Variants in ACLY observed in about 807,000 individuals in gnomAD.
ACLY encodes the protein ATP-citrate synthase.
In ACLY, 41 loss-of-function variants were observed where a neutral mutation model predicts 133.0. The ratio of observed to expected loss-of-function variants is 0.31; its 90% CI spans 0.24 to 0.40. ACLY has a LOEUF of 0.40. ACLY is among the 10% of genes least tolerant of loss of function. The pLI, the probability that ACLY is intolerant of heterozygous loss-of-function variation, is 1.00. For synonymous variants in ACLY, 495 were observed against 549.3 expected, an observed-to-expected ratio of 0.90 and a Z score of 1.38; for missense variants, 1,046 against 1,453.8, an observed-to-expected ratio of 0.72 and a Z score of 4.56.
chr17:41,924,288 G>A (rs1392131889), intron 1 of ACLY, among the ~76,000 whole-genome samples: 1 of 151,610 alleles, frequency 6.6e-6, no homozygotes, highest in East Asian at 1.9e-4. Context: ...GAGACTACAG[G>A]CACGTGCCAC....
In ACLY at chr17:41,887,713, G is replaced by T; in HGVS notation, c.1771-10C>A. 6.2e-7 allele frequency: 1 copy of T among 1,612,032 alleles called. No homozygotes were observed. Among genetic ancestry groups the T allele is most frequent in the Non-Finnish European group, 8.5e-7 (1 of 1,178,368 alleles). On this transcript the variant is annotated splice_polypyrimidine_tract_variant and intron_variant, in intron 16 of 28. Coordinates refer to ENST00000352035, the MANE Select transcript of ACLY (RefSeq NM_001096.3). ...TGGCGATGGTCCGGATCTAGAGGATGACAAAAGTCCCTTCCTGTTAACTCT... is the reference window on the plus strand; with the variant it reads ...TGGCGATGGTCCGGATCTAGAGGATTACAAAAGTCCCTTCCTGTTAACTCT...
chr17:41,918,982 T>C (rs1237662498), upstream of ACLY: 6 of 1,287,482 alleles, frequency 4.7e-6, no homozygotes, highest in African/African-American at 1.5e-5. Context: ...CCGGCTTTTG[T>C]CCCGGCCCAG....
At chr17:41,888,126 T>C (rs1206029635) in intron 16 of ACLY, among the ~76,000 whole-genome samples, 7 of 151,804 alleles carry the variant, frequency 4.6e-5, no homozygotes, top group African/African-American at 1.7e-4. Context: ...AGACTCCATC[T>C]CAAAAACAAA....
intron 3 of ACLY, among the ~76,000 whole-genome samples, chr17:41,912,046 G>A (rs1035849062): frequency 2.4e-4 from 36 of 151,662 alleles, no homozygotes; most frequent in Non-Finnish European, 2.9e-5. Flanking sequence ...CCCAGGAGGC[G>A]GAGGTTGCAG....
At chr17:41,925,653 G>A in intron 1 of ACLY, among the ~76,000 whole-genome samples, 1 of 152,004 alleles carries the variant, frequency 6.6e-6, no homozygotes, top group Non-Finnish European at 1.5e-5. Context: ...GTTGTGTTGA[G>A]AAGGAAGTGG....
intron 11 of ACLY, 109 bp from the exon 12 acceptor site, chr17:41,898,894 T>A: frequency 2.7e-6 from 3 of 1,112,454 alleles, no homozygotes; most frequent in Non-Finnish European, 3.8e-6. Flanking sequence ...TTTGGCGCAT[T>A]CAGTGCAAGA....
rs550130995 is a variant in ACLY at position 41,878,696 on chromosome 17, G to A, written c.2393+101C>T. ...CATACAGCTGCGCTAGACACCGAGAGGGACCAGGAATACATGATGTCCCTG... is the reference window on the plus strand; with the variant it reads ...CATACAGCTGCGCTAGACACCGAGAAGGACCAGGAATACATGATGTCCCTG... On this transcript the variant is annotated intron_variant, in intron 21 of 28. Transcript: ENST00000352035. 1.5e-5 allele frequency: 22 copies of A among 1,443,362 alleles called. No individual in the cohort carries two copies. The East Asian group carries it at 4.6e-4, about 30-fold the overall frequency. The allele number at this position is 1,443,362 out of a possible 1,614,324, so 89.4% of individuals were successfully genotyped here.
At chr17:41,867,993 CA>C in intron 28 of ACLY, 89 bp from the exon 29 acceptor site, 22 of 908,608 alleles carry the variant, frequency 2.4e-5, no homozygotes, top group South Asian at 3.3e-5. Context: ...TTCTAACACA[CA>C]AAAAAAGTAG....
chr17:41,890,317 G>C (rs1459882209), intron 16 of ACLY, among the ~76,000 whole-genome samples: 2 of 151,320 alleles, frequency 1.3e-5, no homozygotes, highest in African/African-American at 4.9e-5. Flanking sequence ...TAATAAATAT[G>C]TAATATTTTT....
intron 7 of ACLY, 39 bp from the exon 8 acceptor site, chr17:41,906,685 C>G: frequency 6.3e-7 from 1 of 1,581,648 alleles, no homozygotes; most frequent in Non-Finnish European, 8.7e-7. Context: ...CTTGGGGTAC[C>G]CCCTTTACCA....
chr17:41,884,771 T>C (rs1223978649), intron 18 of ACLY, among the ~76,000 whole-genome samples: 1 of 152,200 alleles, frequency 6.6e-6, no homozygotes, highest in Non-Finnish European at 1.5e-5. Context: ...TGTACAGTCC[T>C]AGCTACTCAG....
Position 41,909,685 on chromosome 17 carries a change from C to T in ACLY, c.361G>A (p.Val121Ile). The change falls in exon 5 of 29, where the codon GTC becomes ATC. Residue 121 changes from valine (V) to isoleucine (I), a missense_variant. Physicochemically the swap from Val to Ile is conservative, Grantham distance 29. Coordinates refer to ENST00000352035, the MANE Select transcript of ACLY (RefSeq NM_001096.3). The stretch of plus-strand genomic sequence containing the variant: ...CCTTCTCGGGTGGCATAGATGCAGA[C>T]ATAGAACTCCTCAGCCTTGCAGGTG... The part of the protein sequence containing the change: ...VPHSQAEEFY[V>I]CIYATREGDY... The T allele has an allele frequency of 6.2e-7, 1 of 1,614,068 alleles. No individual in the cohort carries two copies. Among genetic ancestry groups the T allele is most frequent in the Non-Finnish European group, 8.5e-7 (1 of 1,179,986 alleles).
In ACLY at chr17:41,867,712, T is replaced by C; in HGVS notation, c.*98A>G. 1.0e-6 allele frequency: 1 copy of C among 962,370 alleles called. No individual in the cohort carries two copies. 59.6% of individuals were successfully genotyped at this position (962,370 alleles called of 1,614,324 possible). Reference sequence around the variant, plus strand: ...AGTGGCTGTTTACATTCCAGGCCCCTGCTAAATAAAGCAGGCTCCACTGCC... The same window carrying C: ...AGTGGCTGTTTACATTCCAGGCCCCCGCTAAATAAAGCAGGCTCCACTGCC... On this transcript the variant is annotated 3_prime_UTR_variant, in exon 29 of 29. Coordinates refer to ENST00000352035, the MANE Select transcript of ACLY (RefSeq NM_001096.3).
At chr17:41,913,567 A>T (rs1222671906) in intron 2 of ACLY, 148 bp downstream of exon 2, 4 of 827,218 alleles carry the variant, frequency 4.8e-6, no homozygotes, top group Non-Finnish European at 5.6e-6. Context: ...ATGAACACAA[A>T]CCCTGCTCAG....
At chr17:41,930,341 C>T (rs1048540571) in intron 1 of ACLY, 1 of 181,576 alleles carries the variant, frequency 5.5e-6, no homozygotes, top group Non-Finnish European at 1.2e-5. Context: ...GGCGGTACGC[C>T]GTGCACATAT....
chr17:41,875,248 G>A (rs1336225337), intron 22 of ACLY, among the ~76,000 whole-genome samples: 2 of 151,278 alleles, frequency 1.3e-5, no homozygotes, highest in African/African-American at 4.9e-5. Context: ...TACTCGGGAG[G>A]CTAAGGCAGG....
rs199702372 is a variant in ACLY, at chr17:41,905,598, G to A, written c.927C>T (p.Gly309=). The A allele has an allele frequency of 1.7e-5, 27 of 1,614,166 alleles. No individual in the cohort carries two copies. The African/African-American group carries it at 2.0e-4, about 12-fold the overall frequency. Residue 309 remains glycine, a synonymous_variant, in exon 9 of 29, where the codon GGC becomes GGT. Transcript: ENST00000352035. The part of the protein sequence containing the change: ...NELANYGEYS[G]APSEQQTYDY... ...CATAGGTCTGCTGCTCGCTGGGGGC[G>A]CCTGAGTACTCCCCATAGTTTGCCA... is the stretch of plus-strand genomic sequence containing the variant.
chr17:41,912,926 G>A (rs2049946773), intron 2 of ACLY, among the ~76,000 whole-genome samples: 1 of 152,184 alleles, frequency 6.6e-6, no homozygotes, highest in Non-Finnish European at 1.5e-5. Context: ...ACAGAGCCTT[G>A]AGGCAGCAAG....
intron 11 of ACLY, among the ~76,000 whole-genome samples, chr17:41,899,101 CCT>C (rs2049453172): frequency 6.6e-6 from 1 of 151,990 alleles, no homozygotes; most frequent in Non-Finnish European, 1.5e-5. Context: ...GTGGTGAAAC[CCT>C]GTCTCTACTA....
Sources: gnomAD v4.1 joint callset for allele counts (sites outside exome capture counted in the v4.1 genomes callset) on GRCh38, gnomAD v4.1.1 for gene constraint, MANE v1.5 for transcripts, NCBI Gene and HGNC (gene_info 2026-07-23, HGNC 2026-07-21) for gene names.